INTS1: variants seen among roughly 807,000 people sequenced by gnomAD.
INTS1 encodes integrator complex subunit 1.
Under a neutral mutation model 241.6 loss-of-function variants are expected in INTS1, and 137 were observed. The observed-to-expected ratio is 0.57, with a 90% CI of 0.49 to 0.65. The LOEUF (loss-of-function observed/expected upper bound fraction) is 0.65, where lower values mean the gene tolerates loss of function less well. INTS1 is among the 30% of genes least tolerant of loss of function. INTS1 has a pLI of 0.00. For synonymous variants in INTS1, 1,692 were observed against 1,337.8 expected (o/e 1.26, Z -5.78); for missense variants, 3,073 against 3,032.2 (o/e 1.01, Z -0.32).
chr7:1,471,580 G>A lies in INTS1; in HGVS notation c.6246C>T (p.Ser2082=), dbSNP rs200948377. The change falls in exon 45 of 48, where the codon AGC becomes AGT. Residue 2082 remains serine (S), a synonymous_variant. Coordinates refer to ENST00000404767, the MANE Select transcript of INTS1 (RefSeq NM_001080453.3). ...EMSRRRPEIL[S]FFSTNLQRLM... ...GCCCCATCCAGCTCACCGAGAAGAAGCTCAGGATCTCGGGTCTCCGCCGGG... is the reference window on the plus strand; with the variant it reads ...GCCCCATCCAGCTCACCGAGAAGAAACTCAGGATCTCGGGTCTCCGCCGGG... The A allele has an allele frequency of 3.1e-6, 5 of 1,612,346 alleles. No homozygotes were observed. Among genetic ancestry groups the A allele is most frequent in the Non-Finnish European group, 4.2e-6 (5 of 1,179,764 alleles).
At chr7:1,488,150 C>A (rs1462274262) in intron 18 of INTS1, among the ~76,000 whole-genome samples, 193 bp from the exon 19 acceptor site, 1 of 152,194 alleles carries the variant, frequency 6.6e-6, no homozygotes, top group Non-Finnish European at 1.5e-5. Context: ...CAGCGCTGCC[C>A]AGAGGCGCGG....
At chr7:1,475,304 G>C (rs1309113812) in intron 39 of INTS1, among the ~76,000 whole-genome samples, 1 of 152,126 alleles carries the variant, frequency 6.6e-6, no homozygotes, top group Non-Finnish European at 1.5e-5. Context: ...AGGCTCACTT[G>C]AGCACAGGGG....
intron 26 of INTS1, chr7:1,483,318 G>T (rs1782085731): frequency 3.1e-6 from 1 of 322,166 alleles, no homozygotes. Flanking sequence ...CACTGCGCTG[G>T]CCAGAGCGTC....
At chr7:1,498,187 CAG>C (rs1346026842) in intron 10 of INTS1, among the ~76,000 whole-genome samples, 5 of 152,266 alleles carry the variant, frequency 3.3e-5, no homozygotes, top group South Asian at 4.1e-4. Flanking sequence ...CCTAAATGGA[CAG>C]AGTGTCAGTT....
Position 1,481,621 on chromosome 7 carries a change from A to G in INTS1, c.3704-133T>C, listed in dbSNP as rs1261766979. 1.3e-6 allele frequency: 1 copy of G among 751,214 alleles called. No individual in the cohort carries two copies. Among genetic ancestry groups the G allele is most frequent in the Non-Finnish European group, 1.8e-6 (1 of 544,474 alleles). 46.5% of individuals were successfully genotyped at this position (751,214 alleles called of 1,614,324 possible). A position where few individuals can be genotyped will look rare whatever the true frequency, so the allele number is the denominator to read the frequency against. On this transcript the variant is annotated intron_variant, in intron 27 of 47. Transcript: ENST00000404767. This position sits in a 1 kb window ranked among gnomAD's most constrained non-coding sequence, Gnocchi z 6.8. ...GACCCTGGGCCACGTGGGCTCGGTGACCCCACCCAAGACCTGGGGCAGTGC... is the reference window on the plus strand; with the variant it reads ...GACCCTGGGCCACGTGGGCTCGGTGGCCCCACCCAAGACCTGGGGCAGTGC...
rs987675580 is a variant in INTS1, at chr7:1,474,825, A to G, written c.5516T>C (p.Ile1839Thr). ...CGCAAGGAGCGTGATGAAGCGGTGG[A>G]TGAGTCCGTCCAGCTGCAGGGAGGG... ...SSSVCKLDGL[I>T]HRFITLLADT... The change falls in exon 40 of 48, where the codon ATC (isoleucine) becomes ACC (threonine). Residue 1839 changes from isoleucine (I) to threonine (T), a missense_variant. By Grantham distance (89) the Ile-to-Thr change is moderately conservative. Transcript: ENST00000404767. The G allele has an allele frequency of 1.9e-6, 3 of 1,589,738 alleles. No individual in the cohort carries two copies. Among genetic ancestry groups the G allele is most frequent in the Non-Finnish European group, 1.7e-6 (2 of 1,170,626 alleles).
chr7:1,497,225 C>G lies in INTS1; in HGVS notation c.1515G>C (p.Gln505His). ...SRALLREIIKQTKHEINFQAF... is the reference protein window; with the variant it reads ...SRALLREIIKHTKHEINFQAF... ...CCTGGAAGTTGATCTCGTGCTTGGT[C>G]TGCTTGATGATCTCCCGCAGCAGGG... The change falls in exon 11 of 48, where the codon CAG becomes CAC. Residue 505 changes from glutamine (Q) to histidine (H), a missense_variant. Physicochemically the swap from Gln to His is conservative, Grantham distance 24 (BLOSUM62 0). Transcript: ENST00000404767. The surrounding 1 kb of genome is among the most constrained non-coding windows in gnomAD (Gnocchi z 5.3). 1 of 1,613,276 alleles carries G rather than the reference C, an allele frequency of 6.2e-7. No homozygotes were observed. Among genetic ancestry groups the G allele is most frequent in the Non-Finnish European group, 8.5e-7 (1 of 1,179,776 alleles).
chr7:1,488,635 C>T (rs986722939), intron 18 of INTS1, among the ~76,000 whole-genome samples: 1 of 152,168 alleles, frequency 6.6e-6, no homozygotes, highest in Non-Finnish European at 1.5e-5. Flanking sequence ...ACACACACAC[C>T]TGGTCCCCAC....
At chr7:1,491,158 G>A (rs111349410) in intron 16 of INTS1, among the ~76,000 whole-genome samples, 2,315 of 152,336 alleles carry the variant, frequency 0.015, 56 homozygotes, top group African/African-American at 0.05. Context: ...CGGGAGCGTG[G>A]GGCAGCCCCA....
In INTS1 at chr7:1,483,751, G is replaced by T; in HGVS notation, c.3532C>A (p.Pro1178Thr). 1 of 1,610,448 alleles carries T rather than the reference G, an allele frequency of 6.2e-7. No individual in the cohort carries two copies. Among genetic ancestry groups the T allele is most frequent in the Non-Finnish European group, 8.5e-7 (1 of 1,179,456 alleles). Residue 1178 changes from proline (P) to threonine (T), a missense_variant, in exon 26 of 48, where the codon CCG (proline) becomes ACG (threonine). Coordinates refer to ENST00000404767, the MANE Select transcript of INTS1 (RefSeq NM_001080453.3). ...GCCTGTGGCGGCTCACCTCGAGGCG[G>T]GCCCAGCGTCAGCAGGATCACCATG... ...HAMVILLTLG[P>T]PRADDSEFQA... is the part of the protein sequence containing the mutation.
Position 1,479,441 on chromosome 7 carries a change from A to G in INTS1, c.4318T>C (p.Cys1440Arg), listed in dbSNP as rs756616272. ...FLACPLLRQL[C>R]QYQRCVPQDT... The stretch of plus-strand genomic sequence containing the variant: ...CCACGCCCAAGTACCTGGTACTGGC[A>G]GAGCTGGCGCAGCAGCGGGCAGGCC... The change falls in exon 31 of 48, where the codon TGC (cysteine) becomes CGC (arginine). Residue 1440 changes from cysteine (C) to arginine (R), a missense_variant. Transcript: ENST00000404767. 1 of 1,578,102 alleles carries G rather than the reference A, an allele frequency of 6.3e-7. No individual in the cohort carries two copies. Among genetic ancestry groups the G allele is most frequent in the African/African-American group, 1.3e-5 (1 of 74,284 alleles).
At chr7:1,472,564 G>A (rs909964234) in intron 43 of INTS1, among the ~76,000 whole-genome samples, 178 bp from the exon 44 acceptor site, 3 of 152,196 alleles carry the variant, frequency 2.0e-5, no homozygotes, top group East Asian at 1.9e-4. Context: ...CTTTGGATCC[G>A]GCGCATGCAC....
intron 14 of INTS1, 73 bp downstream of exon 14, chr7:1,494,743 G>GCCGCAGCCGGCCCGGCACC: frequency 6.8e-7 from 1 of 1,463,528 alleles, no homozygotes; most frequent in East Asian, 2.5e-5. Context: ...GGCCCTTCCT[G>GCCGCAGCCGGCCCGGCACC]CCGCAGCCGG....
intron 8 of INTS1, 22 bp downstream of exon 8, chr7:1,498,953 C>T (rs1783004441): frequency 6.8e-7 from 1 of 1,468,296 alleles, no homozygotes; most frequent in Non-Finnish European, 9.1e-7. Flanking sequence ...GCCCCGCCCA[C>T]CCCCCCGGGG....
intron 20 of INTS1, 95 bp from the exon 21 acceptor site, chr7:1,487,196 G>A (rs997819790): frequency 1.8e-4 from 265 of 1,500,784 alleles, no homozygotes; most frequent in Admixed American, 2.2e-4. Flanking sequence ...AGGGCGACAC[G>A]CAGCAGCCAG....
intron 22 of INTS1, 154 bp from the exon 23 acceptor site, chr7:1,485,623 A>G: frequency 1.4e-6 from 1 of 718,824 alleles, no homozygotes; most frequent in Non-Finnish European, 2.2e-6. Context: ...GGGAAAAACG[A>G]GACTGAGCTC....
Position 1,471,576 on chromosome 7 carries a change from A to T in INTS1, c.6250T>A (p.Phe2084Ile). ...SRRRPEILSFFSTNLQRLMSS... is the reference protein window; with the variant it reads ...SRRRPEILSFISTNLQRLMSS... ...CTCAGCCCCATCCAGCTCACCGAGA[A>T]GAAGCTCAGGATCTCGGGTCTCCGC... Residue 2084 changes from phenylalanine (F) to isoleucine (I), a missense_variant, in exon 45 of 48, where the codon TTC becomes ATC. Physicochemically the swap from Phe to Ile is conservative, Grantham distance 21. Coordinates refer to ENST00000404767, the MANE Select transcript of INTS1 (RefSeq NM_001080453.3). The T allele has an allele frequency of 6.2e-7, 1 of 1,612,232 alleles. No homozygotes were observed.
At position 1,493,857 on chromosome 7, in the gene INTS1, G is replaced by A. The variant is rs1442314584; in HGVS notation, c.1965C>T (p.Arg655=). The A allele has an allele frequency of 3.8e-6, 6 of 1,567,158 alleles. No individual in the cohort carries two copies. The African/African-American group carries it at 5.4e-5, about 14-fold the overall frequency. The part of the protein sequence containing the change: ...EVPILEDTLM[R]ILVIGLSREL... The stretch of plus-strand genomic sequence containing the variant: ...CCCGGGACAGCCCGATGACCAGGAT[G>A]CGCATCAGCGTGTCCTCCAAAATGG... Residue 655 remains arginine (R), a synonymous_variant, in exon 15 of 48, where the codon CGC becomes CGT. Transcript: ENST00000404767. The surrounding 1 kb of genome is among the most constrained non-coding windows in gnomAD (Gnocchi z 5.3).
At chr7:1,483,692 G>T in intron 26 of INTS1, 50 bp downstream of exon 26, 2 of 1,445,410 alleles carry the variant, frequency 1.4e-6, no homozygotes, top group Non-Finnish European at 9.7e-7. Context: ...GGTCAGGGCT[G>T]TGGCCCACCT....
Sources: allele counts gnomAD v4.1 joint callset (sites outside exome capture counted in the v4.1 genomes callset), GRCh38; gene constraint gnomAD v4.1.1; non-coding constraint Gnocchi (gnomAD v3.1); transcripts MANE v1.5; gene names NCBI Gene and HGNC (gene_info 2026-07-23, HGNC 2026-07-21).